SART3: variants seen among roughly 807,000 people sequenced by gnomAD.
SART3 encodes the protein spliceosome associated factor 3, U4/U6 recycling protein.
In SART3, 44 loss-of-function variants were observed where a neutral mutation model predicts 122.3. The observed-to-expected ratio is 0.36, with a 90% CI of 0.28 to 0.46. The LOEUF (loss-of-function observed/expected upper bound fraction) is 0.46, where lower values mean the gene tolerates loss of function less well. SART3 is among the 20% of genes least tolerant of loss of function. The pLI, the probability that SART3 is intolerant of heterozygous loss-of-function variation, is 1.00. For synonymous variants in SART3, 442 were observed against 454.0 expected, an observed-to-expected ratio of 0.97 and a Z score of 0.34; for missense variants, 1,101 against 1,229.0, an observed-to-expected ratio of 0.90 and a Z score of 1.56.
chr12:108,531,087 T>G, intron 14 of SART3, 117 bp downstream of exon 14: 3 of 751,506 alleles, frequency 4.0e-6, no homozygotes, highest in Non-Finnish European at 4.7e-6. Flanking sequence ...TATTTTATAA[T>G]TAATACTGAG....
intron 1 of SART3, among the ~76,000 whole-genome samples, chr12:108,552,440 T>A (rs1420141190): frequency 6.9e-6 from 1 of 144,672 alleles, no homozygotes; most frequent in African/African-American, 2.6e-5. Flanking sequence ...TTGTAGATGA[T>A]ATGGCTAAGT....
At chr12:108,545,010 T>C (rs1040084922) in intron 4 of SART3, 129 bp downstream of exon 4, 49 of 965,886 alleles carry the variant, frequency 5.1e-5, no homozygotes, top group Admixed American at 1.5e-4. Flanking sequence ...CACTAAGGGA[T>C]TGGCAAAGAC....
chr12:108,552,456 A>G (rs990992964), intron 1 of SART3, among the ~76,000 whole-genome samples: 10 of 127,134 alleles, frequency 7.9e-5, no homozygotes, highest in Non-Finnish European at 1.5e-4. Context: ...TAAGTAGACA[A>G]TCTTAAGGAA....
chr12:108,532,681 AT>A, intron 12 of SART3: 1 of 315,880 alleles, frequency 3.2e-6, no homozygotes, highest in Non-Finnish European at 6.2e-6. Context: ...CCCCAGGGAA[AT>A]TTTACTATGG....
chr12:108,553,073 GA>G (rs1056422746), intron 1 of SART3, among the ~76,000 whole-genome samples: 49 of 150,012 alleles, frequency 3.3e-4, no homozygotes, highest in African/African-American at 9.8e-4. Context: ...TGCAACAGAG[GA>G]AAAAAAAAGG....
chr12:108,528,007 C>T (rs976676032), intron 15 of SART3, among the ~76,000 whole-genome samples: 1 of 152,028 alleles, frequency 6.6e-6, no homozygotes, highest in Non-Finnish European at 1.5e-5. Flanking sequence ...TCAGGTGATC[C>T]GCCCACCTCA....
chr12:108,546,438 A>C (rs574296961), intron 3 of SART3, among the ~76,000 whole-genome samples: 5 of 151,940 alleles, frequency 3.3e-5, no homozygotes, highest in Admixed American at 2.6e-4. Context: ...TGAACTCGTG[A>C]TATACCTGCC....
rs754959817 is a variant in SART3, at chr12:108,530,236, C to T, written c.1821G>A (p.Glu607=). The change falls in exon 15 of 19, where the codon GAG becomes GAA. Residue 607 remains glutamate (E), a synonymous_variant. Coordinates refer to ENST00000546815, the MANE Select transcript of SART3 (RefSeq NM_014706.4). The part of the protein sequence containing the change: ...KAEQRKRARA[E]KKALKKKKKI... The stretch of plus-strand genomic sequence containing the variant: ...TTTTCTTCTTTTTTAACGCTTTCTT[C>T]TCAGCCCGAGCTCTTTTCCGTTGTT... 3.7e-6 allele frequency: 6 copies of T among 1,614,164 alleles called. No homozygotes were observed.
In SART3 at chr12:108,561,034, G is replaced by C. The variant is rs141693723; in HGVS notation, c.121C>G (p.Arg41Gly). ...AARTRRKVLS[R>G]AVAAATYKTM... The stretch of plus-strand genomic sequence containing the variant: ...TTGTATGTCGCAGCGGCCACAGCCC[G>C]CGATAACACCTTCCTCCTTGTCCTA... The change falls in exon 1 of 19, where the codon CGG becomes GGG. Residue 41 changes from arginine (R) to glycine (G), a missense_variant. By Grantham distance (125) the Arg-to-Gly change is moderately radical. Coordinates refer to ENST00000546815, the MANE Select transcript of SART3 (RefSeq NM_014706.4). The C allele has an allele frequency of 1.2e-6, 2 of 1,614,044 alleles. No homozygotes were observed. Among genetic ancestry groups the C allele is most frequent in the African/African-American group, 1.3e-5 (1 of 74,918 alleles).
chr12:108,538,271 C>A, intron 7 of SART3, 68 bp from the exon 8 acceptor site: 1 of 1,549,016 alleles, frequency 6.5e-7, no homozygotes. Flanking sequence ...CAAGACATTG[C>A]CAGCACGACC....
intron 1 of SART3, among the ~76,000 whole-genome samples, chr12:108,557,217 T>G (rs989456234): frequency 8.3e-5 from 12 of 143,986 alleles, no homozygotes; most frequent in African/African-American, 1.6e-4. Flanking sequence ...TTTTTTTTTT[T>G]TTTTTTTTTT....
chr12:108,542,966 C>G, intron 6 of SART3, 62 bp downstream of exon 6: 2 of 1,605,966 alleles, frequency 1.2e-6, no homozygotes, highest in Non-Finnish European at 1.7e-6. Context: ...GTTTAACTCG[C>G]AACTATCCAT....
At chr12:108,560,205 A>G (rs537002250) in intron 1 of SART3, 1 of 152,448 alleles carries the variant, frequency 6.6e-6, no homozygotes, top group African/African-American at 2.4e-5. Context: ...GATGCTAGGC[A>G]CTGAGCTATA....
chr12:108,531,307 C>CA (rs1437795888), intron 13 of SART3, 27 bp from the exon 14 acceptor site: 1 of 1,579,442 alleles, frequency 6.3e-7, no homozygotes, highest in East Asian at 2.2e-5. Context: ...GCAAAACTTT[C>CA]ACTCTTTAGG....
At chr12:108,525,671 T>G (rs1872340447) in intron 16 of SART3, 62 bp from the exon 17 acceptor site, 2 of 1,539,528 alleles carry the variant, frequency 1.3e-6, no homozygotes, top group Non-Finnish European at 1.8e-6. Flanking sequence ...CTCACCTGAC[T>G]CCTCTGACAC....
chr12:108,556,861 C>G (rs544615588), intron 1 of SART3, among the ~76,000 whole-genome samples: 1 of 152,226 alleles, frequency 6.6e-6, no homozygotes, highest in East Asian at 1.9e-4. Flanking sequence ...AGTGTGCTTG[C>G]GGAGCACAAA....
At chr12:108,532,194 C>G (rs757610847) in intron 13 of SART3, 28 bp downstream of exon 13, 4 of 1,599,430 alleles carry the variant, frequency 2.5e-6, no homozygotes, top group Non-Finnish European at 3.4e-6. Flanking sequence ...GGTTAGGCTC[C>G]AAGCCAGAAG....
intron 13 of SART3, 84 bp downstream of exon 13, chr12:108,532,138 C>A: frequency 8.6e-7 from 1 of 1,164,834 alleles, no homozygotes; most frequent in South Asian, 1.2e-5. Flanking sequence ...ACAGTCTGTC[C>A]CCAGACTGTA....
chr12:108,553,207 G>A (rs2030079366), intron 1 of SART3, among the ~76,000 whole-genome samples: 1 of 152,142 alleles, frequency 6.6e-6, no homozygotes, highest in Non-Finnish European at 1.5e-5. Flanking sequence ...AATGTGAAAT[G>A]TAAATATAAC....
Sources: allele counts gnomAD v4.1 joint callset (sites outside exome capture counted in the v4.1 genomes callset), GRCh38; gene constraint gnomAD v4.1.1; transcripts MANE v1.5; gene names NCBI Gene and HGNC (gene_info 2026-07-23, HGNC 2026-07-21).